NBAS: variants seen among roughly 807,000 people sequenced by gnomAD.
NBAS encodes NAG/BC035112 fusion.
In NBAS, 219 loss-of-function variants were observed where a neutral mutation model predicts 302.5. That is an observed-to-expected ratio of 0.72 (90% CI 0.65 to 0.81). The LOEUF is 0.81. Among genes scored for constraint, NBAS ranks in the 30% least tolerant of loss-of-function variants. The pLI is 0.00. For synonymous variants in NBAS, 1,118 were observed against 1,021.6 expected (o/e 1.09, Z -1.80); for missense variants, 2,932 against 2,841.6 (o/e 1.03, Z -0.72).
the NBAS span, among the ~76,000 whole-genome samples, chr2:14,984,003 T>C: frequency 1.3e-5 from 2 of 152,160 alleles, no homozygotes; most frequent in Non-Finnish European, 2.9e-5. Context: ...GTGCCAACCC[T>C]GGTTCTTTAA....
At chr2:15,486,612 A>AT (rs1427641483) in intron 12 of NBAS, among the ~76,000 whole-genome samples, 3 of 151,972 alleles carry the variant, frequency 2.0e-5, no homozygotes, top group African/African-American at 4.8e-5. Flanking sequence ...CTACATACAC[A>AT]TTTTTTCAAT....
chr2:15,309,744 CA>C (rs562940186), intron 38 of NBAS, among the ~76,000 whole-genome samples: 65 of 152,320 alleles, frequency 4.3e-4, no homozygotes, highest in Non-Finnish European at 6.8e-4. Flanking sequence ...TCACGCTCCA[CA>C]AAAAGAAAAT....
chr2:15,561,321 G>C lies in NBAS; in HGVS notation c.-17C>G. 1.2e-6 allele frequency: 2 copies of C among 1,607,214 alleles called. No individual in the cohort carries two copies. Among genetic ancestry groups the C allele is most frequent in the African/African-American group, 1.3e-5 (1 of 74,956 alleles). ...GGCCGCCATGTTCGCCGAGGACTCA[G>C]GCAGCGGAGGAGTGTCTCTACGGAA... On this transcript the variant is annotated 5_prime_UTR_variant, in exon 1 of 52. Coordinates refer to ENST00000281513, the MANE Select transcript of NBAS (RefSeq NM_015909.4).
intron 38 of NBAS, among the ~76,000 whole-genome samples, chr2:15,318,090 T>C (rs991154314): frequency 6.6e-6 from 1 of 152,184 alleles, no homozygotes; most frequent in Admixed American, 6.5e-5. Context: ...TGGGGGCCAA[T>C]ATTCAACATT....
intron 48 of NBAS, among the ~76,000 whole-genome samples, chr2:15,215,239 C>A (rs1222024820): frequency 6.6e-6 from 1 of 151,986 alleles, no homozygotes; most frequent in Non-Finnish European, 1.5e-5. Context: ...AAAATGAAGG[C>A]CTCTGAATTT....
the NBAS span, among the ~76,000 whole-genome samples, chr2:14,848,141 G>A: frequency 6.6e-6 from 1 of 152,022 alleles, no homozygotes; most frequent in Non-Finnish European, 1.5e-5. Flanking sequence ...GAAGACGGGT[G>A]ATTTCTGCAT....
intron 9 of NBAS, among the ~76,000 whole-genome samples, chr2:15,530,471 T>G (rs1187822250): frequency 6.6e-6 from 1 of 151,934 alleles, no homozygotes; most frequent in Non-Finnish European, 1.5e-5. Context: ...GAATATAGAT[T>G]TTTCAAAATA....
rs2148233452 is a variant in NBAS at position 15,330,675 on chromosome 2, T to C, written c.4270A>G (p.Thr1424Ala). 1.2e-6 allele frequency: 2 copies of C among 1,614,048 alleles called. No homozygotes were observed. The highest frequency in any genetic ancestry group is 1.7e-5 in the Admixed American group (1 of 60,000). Reference sequence around the variant, plus strand: ...ACGGCCTGCAGCACCGCTTTGGTGGTGGTTGTGGTGTTGGAAAGGACTTTC... The same window carrying C: ...ACGGCCTGCAGCACCGCTTTGGTGGCGGTTGTGGTGTTGGAAAGGACTTTC... Reference protein sequence around the residue: ...TMKVLSNTTTTTKAVLQAVSD... With the variant: ...TMKVLSNTTTATKAVLQAVSD... Residue 1424 changes from threonine to alanine, a missense_variant, in exon 36 of 52, where the codon ACC (threonine) becomes GCC (alanine). Thr to Ala is a moderately conservative substitution (Grantham distance 58). Coordinates refer to ENST00000281513, the MANE Select transcript of NBAS (RefSeq NM_015909.4).
At chr2:14,825,332 G>A in the NBAS span, among the ~76,000 whole-genome samples, 1 of 152,146 alleles carries the variant, frequency 6.6e-6, no homozygotes, top group African/African-American at 2.4e-5. Context: ...GGTTCTAAGT[G>A]CAATATCAAT....
chr2:15,136,909 C>T, the NBAS span, among the ~76,000 whole-genome samples: 15 of 152,232 alleles, frequency 9.9e-5, no homozygotes, highest in Non-Finnish European at 2.2e-4. Flanking sequence ...CCTTCACCTT[C>T]TGCCATGATT....
At chr2:14,797,125 A>T in the NBAS span, among the ~76,000 whole-genome samples, 1 of 145,502 alleles carries the variant, frequency 6.9e-6, no homozygotes, top group Non-Finnish European at 1.5e-5. Context: ...CCAAAAACAG[A>T]CTCAGCCACT....
At chr2:14,962,720 A>G in the NBAS span, among the ~76,000 whole-genome samples, 10 of 152,130 alleles carry the variant, frequency 6.6e-5, no homozygotes, top group Non-Finnish European at 7.3e-5. Context: ...ATTGACGTAT[A>G]AGGTCATTAG....
At chr2:15,460,234 T>C (rs573558447) in intron 21 of NBAS, among the ~76,000 whole-genome samples, 2 of 152,208 alleles carry the variant, frequency 1.3e-5, no homozygotes, top group African/African-American at 2.4e-5. Context: ...TACTTTACAG[T>C]ATACTATAGT....
chr2:15,432,336 T>G (rs1159542140), intron 21 of NBAS, among the ~76,000 whole-genome samples: 1 of 151,942 alleles, frequency 6.6e-6, no homozygotes, highest in Admixed American at 6.6e-5. Context: ...AAATAATGGC[T>G]GCTTTTACTT....
intron 9 of NBAS, among the ~76,000 whole-genome samples, chr2:15,514,646 T>C (rs566462641): frequency 6.6e-6 from 1 of 151,420 alleles, no homozygotes; most frequent in South Asian, 2.1e-4. Context: ...CCAATATATA[T>C]ATTTGTATTA....
the NBAS span, among the ~76,000 whole-genome samples, chr2:14,901,407 C>G: frequency 1.3e-5 from 2 of 149,938 alleles, no homozygotes. Flanking sequence ...TATTCTTCAG[C>G]TAAAGGCCAA....
At chr2:14,871,124 A>G in the NBAS span, among the ~76,000 whole-genome samples, 1 of 152,080 alleles carries the variant, frequency 6.6e-6, no homozygotes, top group East Asian at 1.9e-4. Flanking sequence ...AAAAAGATTG[A>G]AAAAACAAAA....
At chr2:14,791,839 A>T in the NBAS span, among the ~76,000 whole-genome samples, 5 of 150,388 alleles carry the variant, frequency 3.3e-5, no homozygotes, top group East Asian at 9.7e-4. Flanking sequence ...TAAATAAATA[A>T]ATAAAATGGG....
In NBAS at chr2:15,209,215, C is replaced by T. The variant is rs145410435; in HGVS notation, c.6432+9558G>A. On this transcript the variant is annotated intron_variant, in intron 48 of 51. Transcript: ENST00000281513. ...AAATCTAGAGGAAATGGATAAATTC[C>T]TAGACACATGCAACCTACCAAGAGT... 1.8e-3 allele frequency among the ~76,000 whole-genome samples: 278 copies of T among 152,190 alleles called. 2 individuals carry two copies. The highest frequency in any genetic ancestry group is 6.2e-3 in the African/African-American group (258 of 41,546).
Sources: allele counts gnomAD v4.1 joint callset (sites outside exome capture counted in the v4.1 genomes callset), GRCh38; gene constraint gnomAD v4.1.1; transcripts MANE v1.5; gene names NCBI Gene and HGNC (gene_info 2026-07-23, HGNC 2026-07-21).